The following DHX29 variants were observed in gnomAD, a reference collection of about 807,000 sequenced individuals.
DHX29 encodes the protein DExH-box helicase 29.
DHX29 carries 79 observed loss-of-function variants against 167.9 expected under a neutral mutation model. That is an observed-to-expected ratio of 0.47 (90% confidence interval 0.39 to 0.57). DHX29 has a LOEUF of 0.57. DHX29 is among the 20% of genes least tolerant of loss of function. DHX29 has a pLI of 0.00. For missense variants in DHX29, 1,347 were observed against 1,593.4 expected (o/e 0.85, Z 2.63); for synonymous variants, 530 against 546.0 (o/e 0.97, Z 0.41).
chr5:55,270,830 T>C, intron 18 of DHX29, 124 bp from the exon 19 acceptor site: 1 of 665,978 alleles, frequency 1.5e-6, no homozygotes. Flanking sequence ...TGTGGACCAA[T>C]AGTTCTCAAA....
Position 55,267,717 on chromosome 5 carries a change from C to G in DHX29, c.3400G>C (p.Asp1134His). 1 of 1,604,590 alleles carries G rather than the reference C, an allele frequency of 6.2e-7. No homozygotes were observed. The highest frequency in any genetic ancestry group is 8.5e-7 in the Non-Finnish European group (1 of 1,175,618). ...AKSALAMADS[D>H]HLTIYNAYLG... ...TATGCATTGTAGATCGTCAGGTGGT[C>G]TGAATCCGCCATGGCCAAAGCTGAT... Residue 1134 changes from aspartate (D) to histidine (H), a missense_variant, in exon 22 of 27, where the codon GAC (aspartate) becomes CAC (histidine). This residue lies in a region of DHX29 where 882 missense variants were observed against 1,082.4 expected (regional missense o/e 0.81). Coordinates refer to ENST00000251636, the MANE Select transcript of DHX29 (RefSeq NM_019030.4).
At chr5:55,291,593 T>C (rs548675697) in intron 6 of DHX29, among the ~76,000 whole-genome samples, 3 of 152,304 alleles carry the variant, frequency 2.0e-5, no homozygotes, top group African/African-American at 7.2e-5. Context: ...ATTCATAATG[T>C]TGTACAACCA....
Position 55,281,511 on chromosome 5 carries a change from G to GA in DHX29, c.1969dup (p.Ser657PhefsTer15). 6.3e-7 allele frequency: 1 copy of GA among 1,577,316 alleles called. No individual in the cohort carries two copies. Among genetic ancestry groups the GA allele is most frequent in the Non-Finnish European group, 8.6e-7 (1 of 1,163,232 alleles). On this transcript the variant is annotated frameshift_variant, in exon 12 of 27. Coordinates refer to ENST00000251636, the MANE Select transcript of DHX29 (RefSeq NM_019030.4). LOFTEE classifies it high-confidence loss of function. Reference sequence around the variant, plus strand: ...CATCCGGATCTGATATCCACACAAGGAATTCTAAAGGGAGAACATAAGGCC... The same window carrying GA: ...CATCCGGATCTGATATCCACACAAGGAAATTCTAAAGGGAGAACATAAGGCC...
intron 12 of DHX29, among the ~76,000 whole-genome samples, chr5:55,277,511 G>A (rs983529806): frequency 2.7e-5 from 4 of 150,558 alleles, no homozygotes; most frequent in Non-Finnish European, 5.9e-5. Flanking sequence ...TAGTGAACTA[G>A]ATTAGCCATG....
In DHX29 at chr5:55,274,684, A is replaced by T; in HGVS notation, c.2620T>A (p.Leu874Ile). 6.2e-7 allele frequency: 1 copy of T among 1,604,712 alleles called. No individual in the cohort carries two copies. Residue 874 changes from leucine (L) to isoleucine (I), a missense_variant, in exon 16 of 27, where the codon TTA becomes ATA. Transcript: ENST00000251636. ...RNIEGAVLIFLPGLAHIQQLY... is the reference protein window; with the variant it reads ...RNIEGAVLIFIPGLAHIQQLY... ...TGCTGAATATGAGCAAGTCCTGGTA[A>T]AAAGATCAATACTGCTCCTTCAATA...
intron 8 of DHX29, among the ~76,000 whole-genome samples, chr5:55,288,013 T>A (rs1467073413): frequency 6.8e-6 from 1 of 147,340 alleles, no homozygotes; most frequent in African/African-American, 2.5e-5. Flanking sequence ...GAGGCCAAGG[T>A]GGGCAGATCA....
In DHX29 at chr5:55,283,161, T is replaced by C. The variant is rs1407835605; in HGVS notation, c.1965+42A>G. The stretch of plus-strand genomic sequence containing the variant: ...GGATCACAAAAGCAAAGGTGAGTAA[T>C]GTCACCATCATTCACTGAGGTGGAG... On this transcript the variant is annotated intron_variant, in intron 11 of 26. Coordinates refer to ENST00000251636, the MANE Select transcript of DHX29 (RefSeq NM_019030.4). 6.5e-6 allele frequency: 10 copies of C among 1,538,974 alleles called. No individual in the cohort carries two copies. In the South Asian group the frequency reaches 1.3e-4, roughly 19 times the overall value.
At chr5:55,290,084 TA>T in intron 7 of DHX29, 133 bp downstream of exon 7, 1 of 1,069,166 alleles carries the variant, frequency 9.4e-7, no homozygotes, top group Non-Finnish European at 1.3e-6. Flanking sequence ...CTTATTATTT[TA>T]AAAGTTTGCT....
At position 55,295,486 on chromosome 5, in the gene DHX29, G is replaced by C; in HGVS notation, c.544C>G (p.Gln182Glu). The C allele has an allele frequency of 6.2e-7, 1 of 1,613,820 alleles. No homozygotes were observed. Among genetic ancestry groups the C allele is most frequent in the South Asian group, 1.1e-5 (1 of 91,052 alleles). Residue 182 changes from glutamine (Q) to glutamate (E), a missense_variant, in exon 5 of 27, where the codon CAG becomes GAG. By Grantham distance (29) the Gln-to-Glu change is conservative (BLOSUM62 2). This residue lies in a region of DHX29 where 405 missense variants were observed against 416.8 expected (regional missense o/e 0.97). Transcript: ENST00000251636. ...AATTTAGGCCTACTTTTAGGTTGCTGCTCTTCAAATTCCTGACTGAATCCT... is the reference window on the plus strand; with the variant it reads ...AATTTAGGCCTACTTTTAGGTTGCTCCTCTTCAAATTCCTGACTGAATCCT... ...PEGFSQEFEE[Q>E]QPKSRPKFQS... is the part of the protein sequence containing the mutation.
chr5:55,307,378 C>A lies in DHX29; in HGVS notation c.187+9G>T, dbSNP rs1453109486. On this transcript the variant is annotated intron_variant, in intron 1 of 26. Transcript: ENST00000251636. ...GGCAGACAGCCAGGGGCTGGGGGACCTCTCGTACCTTGCTTGACACGGGGC... is the reference window on the plus strand; with the variant it reads ...GGCAGACAGCCAGGGGCTGGGGGACATCTCGTACCTTGCTTGACACGGGGC... 1 of 1,611,446 alleles carries A rather than the reference C, an allele frequency of 6.2e-7. No homozygotes were observed. The highest frequency in any genetic ancestry group is 8.5e-7 in the Non-Finnish European group (1 of 1,178,718).
Position 55,263,038 on chromosome 5 carries a change from T to C in DHX29, c.3526-106A>G, listed in dbSNP as rs574965198. 132 of 851,456 alleles carry C rather than the reference T, an allele frequency of 1.6e-4. 2 individuals are homozygous for C. In the East Asian group the frequency reaches 3.4e-3, roughly 22 times the overall value. The allele number at this position is 851,456 out of a possible 1,614,324, so 52.7% of individuals were successfully genotyped here. A position where few individuals can be genotyped will look rare whatever the true frequency, so the allele number is the denominator to read the frequency against. On this transcript the variant is annotated intron_variant, in intron 23 of 26. Transcript: ENST00000251636. ...CTTCCTATAAAAATTGACAGGATGC[T>C]AATGATTATTTGGCTAACGATAGCC...
At chr5:55,258,062 G>C (rs1746137632) in intron 26 of DHX29, among the ~76,000 whole-genome samples, 2 of 152,184 alleles carry the variant, frequency 1.3e-5, no homozygotes, top group Admixed American at 6.5e-5. Flanking sequence ...AACTAGATCA[G>C]TAGCTCCCCC....
intron 23 of DHX29, among the ~76,000 whole-genome samples, chr5:55,266,792 T>C (rs2111810036): frequency 6.6e-6 from 1 of 152,102 alleles, no homozygotes; most frequent in South Asian, 2.1e-4. Context: ...ATTTTTTTAT[T>C]TTTGGTAGAG....
intron 18 of DHX29, 65 bp downstream of exon 18, chr5:55,272,022 A>G (rs1392822613): frequency 1.1e-6 from 1 of 930,428 alleles, no homozygotes; most frequent in African/African-American, 1.7e-5. Context: ...ATTTCTCCCA[A>G]GAATTCAAGA....
chr5:55,281,785 CTT>C (rs200474683), intron 11 of DHX29, among the ~76,000 whole-genome samples: 12 of 139,070 alleles, frequency 8.6e-5, no homozygotes, highest in South Asian at 2.3e-4. Flanking sequence ...AACAGAAAAA[CTT>C]TTTTTTTTTT....
chr5:55,267,662 A>G (rs1746645150), intron 22 of DHX29, 24 bp downstream of exon 22: 3 of 1,582,730 alleles, frequency 1.9e-6, no homozygotes, highest in Non-Finnish European at 2.6e-6. Context: ...TGGCTTACTG[A>G]TAACAGCCAG....
rs767088089 is a variant in DHX29 at position 55,295,457 on chromosome 5, C to T, written c.573G>A (p.Gln191=). ...AAATAGTGGCTTGTATTTGAGGAGA[C>T]TGAAATTTAGGCCTACTTTTAGGTT... ...EQQPKSRPKF[Q]SPQIQATISP... is the part of the protein sequence containing the mutation. Residue 191 remains glutamine, a synonymous_variant, in exon 5 of 27, where the codon CAG becomes CAA. Coordinates refer to ENST00000251636, the MANE Select transcript of DHX29 (RefSeq NM_019030.4). 6.2e-7 allele frequency: 1 copy of T among 1,613,862 alleles called. No individual in the cohort carries two copies. Among genetic ancestry groups the T allele is most frequent in the South Asian group, 1.1e-5 (1 of 91,074 alleles).
intron 22 of DHX29, 41 bp from the exon 23 acceptor site, chr5:55,267,272 T>C (rs376294160): frequency 1.4e-6 from 2 of 1,476,500 alleles, no homozygotes; most frequent in Non-Finnish European, 1.9e-6. Flanking sequence ...AAGTTCACCA[T>C]GTTCTCTTTC....
chr5:55,267,199 C>T lies in DHX29; in HGVS notation c.3464G>A (p.Arg1155His), dbSNP rs142745821. ...WKKARQEGGYRSEITYCRRNF... is the reference protein window; with the variant it reads ...WKKARQEGGYHSEITYCRRNF... ...CCTCCGGCAGTATGTGATTTCAGAA[C>T]GATAACCTCCTTCTTGTCGTGCTTT... Residue 1155 changes from arginine to histidine, a missense_variant, in exon 23 of 27, where the codon CGT becomes CAT. Around this residue, in one of 3 missense-constraint regions of DHX29, gnomAD observed 882 missense variants for 1,082.4 expected, o/e 0.81. Coordinates refer to ENST00000251636, the MANE Select transcript of DHX29 (RefSeq NM_019030.4). The T allele has an allele frequency of 1.9e-5, 31 of 1,612,682 alleles. No homozygotes were observed. The highest frequency in any genetic ancestry group is 1.6e-4 in the Middle Eastern group (1 of 6,074).
Sources: allele counts gnomAD v4.1 joint callset (sites outside exome capture counted in the v4.1 genomes callset), GRCh38; gene constraint gnomAD v4.1.1; regional missense constraint gnomAD v4.1.1; transcripts MANE v1.5; gene names NCBI Gene and HGNC (gene_info 2026-07-23, HGNC 2026-07-21).